Variants in FRY observed in about 807,000 individuals in gnomAD.
FRY encodes the protein protein furry homolog.
FRY carries 128 observed loss-of-function variants against 348.4 expected under a neutral mutation model. The observed-to-expected ratio is 0.37, with a 90% CI of 0.32 to 0.43. The LOEUF (loss-of-function observed/expected upper bound fraction) is 0.43. FRY is among the 20% of genes least tolerant of loss of function. The pLI is 1.00. For synonymous variants in FRY, 1,370 were observed against 1,374.7 expected, an observed-to-expected ratio of 1.00 and a Z score of 0.08; for missense variants, 2,736 against 3,695.2, an observed-to-expected ratio of 0.74 and a Z score of 6.73.
At chr13:32,251,311 A>G (rs1240948771) in intron 49 of FRY, among the ~76,000 whole-genome samples, 5 of 152,342 alleles carry the variant, frequency 3.3e-5, no homozygotes, top group Non-Finnish European at 5.9e-5. Flanking sequence ...TAGGAAGAAG[A>G]AACTAAGAAA....
intron 48 of FRY, 93 bp downstream of exon 48, chr13:32,247,595 T>C: frequency 1.0e-6 from 1 of 991,416 alleles, no homozygotes; most frequent in Admixed American, 1.8e-5. Flanking sequence ...GAAGACTTAT[T>C]TGACAGTTAT....
At position 32,245,821 on chromosome 13, in the gene FRY, C is replaced by T. The variant is rs76884361; in HGVS notation, c.6829-1502C>T. On this transcript the variant is annotated intron_variant, in intron 47 of 60. Coordinates refer to ENST00000542859, the MANE Select transcript of FRY (RefSeq NM_023037.3). Reference sequence around the variant, plus strand: ...TCTATATTGTATTTGTCTATTTCTTCTCTGGAATGTACTTTGTAACTTGTA... The same window carrying T: ...TCTATATTGTATTTGTCTATTTCTTTTCTGGAATGTACTTTGTAACTTGTA... Among the ~76,000 whole-genome samples the T allele has an allele frequency of 4.2e-3, 640 of 152,252 alleles. 5 individuals are homozygous for T. Among genetic ancestry groups the T allele is most frequent in the South Asian group, 0.029 (142 of 4,824 alleles).
intron 2 of FRY, among the ~76,000 whole-genome samples, chr13:32,096,436 GC>G: frequency 1.3e-5 from 2 of 149,332 alleles, no homozygotes; most frequent in East Asian, 3.9e-4. Flanking sequence ...AGGGAAAACT[GC>G]GGGGGGGGGC....
intron 11 of FRY, among the ~76,000 whole-genome samples, chr13:32,141,859 G>T (rs914312597): frequency 6.6e-6 from 1 of 152,162 alleles, no homozygotes; most frequent in Non-Finnish European, 1.5e-5. Context: ...GCAGTGAGGT[G>T]AGATGCAGAG....
rs533490157 is a variant in FRY, at chr13:32,078,282, C to A, written c.71-552C>A. On this transcript the variant is annotated intron_variant, in intron 1 of 60. Transcript: ENST00000542859. ...CAAACCTTGGACGGCAAACAGAGCACTGCCTGAGCCTCGTATCTTTCAAGA... is the reference window on the plus strand; with the variant it reads ...CAAACCTTGGACGGCAAACAGAGCAATGCCTGAGCCTCGTATCTTTCAAGA... 8.5e-5 allele frequency among the ~76,000 whole-genome samples: 13 copies of A among 152,318 alleles called. No homozygotes were observed. In the East Asian group the frequency reaches 2.5e-3, roughly 29 times the overall value.
chr13:32,078,947 C>T lies in FRY; in HGVS notation c.184C>T (p.Pro62Ser), dbSNP rs1875292485. 1 of 1,613,756 alleles carries T rather than the reference C, an allele frequency of 6.2e-7. No individual in the cohort carries two copies. The highest frequency in any genetic ancestry group is 1.3e-5 in the African/African-American group (1 of 75,026). Residue 62 changes from proline to serine, a missense_variant, in exon 2 of 61, where the codon CCA becomes TCA. Physicochemically the swap from Pro to Ser is moderately conservative, Grantham distance 74. Coordinates refer to ENST00000542859, the MANE Select transcript of FRY (RefSeq NM_023037.3). ...CATCAATGTGGACCCAGACAGTAAA[C>T]CAGGAGAATATGTCCTCAAAAGTTT... ...LPINVDPDSK[P>S]GEYVLKSLFV...
intron 17 of FRY, among the ~76,000 whole-genome samples, chr13:32,164,364 A>C (rs1021680609): frequency 1.3e-5 from 2 of 152,070 alleles, no homozygotes; most frequent in African/African-American, 4.8e-5. Flanking sequence ...AATTGGTAAA[A>C]TAAGGGCAGT....
intron 11 of FRY, 45 bp from the exon 12 acceptor site, chr13:32,147,237 C>T (rs773671822): frequency 8.6e-7 from 1 of 1,161,734 alleles, no homozygotes. Context: ...AACCTCAGAC[C>T]TCACTATTTA....
chr13:32,268,083 G>A (rs1593825830), intron 55 of FRY, among the ~76,000 whole-genome samples: 1 of 152,276 alleles, frequency 6.6e-6, no homozygotes, highest in East Asian at 1.9e-4. Context: ...CAATCCCTCA[G>A]CCAGACACCC....
intron 1 of FRY, among the ~76,000 whole-genome samples, chr13:32,071,760 A>G (rs1874673634): frequency 6.6e-6 from 1 of 152,168 alleles, no homozygotes; most frequent in African/African-American, 2.4e-5. Flanking sequence ...ATCAGTGGAT[A>G]TAAAGTTTTA....
At chr13:32,190,673 A>T (rs1883287600) in intron 28 of FRY, among the ~76,000 whole-genome samples, 1 of 152,152 alleles carries the variant, frequency 6.6e-6, no homozygotes, top group Non-Finnish European at 1.5e-5. Context: ...TTAGTGAGAA[A>T]AATTAAACAT....
rs1876759798 is a variant in FRY at position 32,096,809 on chromosome 13, A to AAAG, written c.271-5152_271-5151insGAA. On this transcript the variant is annotated intron_variant, in intron 2 of 60. Coordinates refer to ENST00000542859, the MANE Select transcript of FRY (RefSeq NM_023037.3). ...CAGAGCAAGACTCTGTCTCAAAAAAAAAAAAAAAAAAAAAAAGATAGTATA... is the reference window on the plus strand; with the variant it reads ...CAGAGCAAGACTCTGTCTCAAAAAAAAAGAAAAAAAAAAAAAAAAGATAGTATA... 4.6e-5 allele frequency among the ~76,000 whole-genome samples: 7 copies of AAAG among 151,098 alleles called. No individual in the cohort carries two copies. The South Asian group carries it at 1.5e-3, about 32-fold the overall frequency.
At chr13:32,180,212 A>G (rs1882614970) in intron 23 of FRY, among the ~76,000 whole-genome samples, 2 of 151,918 alleles carry the variant, frequency 1.3e-5, no homozygotes, top group South Asian at 4.2e-4. Context: ...GTTCAGTTCC[A>G]TTGGTTGATC....
intron 31 of FRY, among the ~76,000 whole-genome samples, chr13:32,204,958 C>T (rs1000494869): frequency 5.3e-5 from 8 of 152,048 alleles, no homozygotes; most frequent in Admixed American, 1.3e-4. Flanking sequence ...ATCCCAGCAC[C>T]CTGGGAGGCT....
At chr13:32,209,857 T>A (rs1884584257) in intron 33 of FRY, 126 bp downstream of exon 33, 2 of 936,360 alleles carry the variant, frequency 2.1e-6, no homozygotes, top group Admixed American at 3.8e-5. Context: ...ATGAATCTCC[T>A]GTGAGCTCAT....
At chr13:32,251,735 C>CT in intron 49 of FRY, 143 bp from the exon 50 acceptor site, 2 of 664,412 alleles carry the variant, frequency 3.0e-6, no homozygotes, top group Non-Finnish European at 5.5e-6. Context: ...TATTTGTGTT[C>CT]TTTTTTCATA....
At chr13:32,155,303 T>C (rs1881045505) in intron 14 of FRY, among the ~76,000 whole-genome samples, 188 bp from the exon 15 acceptor site, 1 of 152,218 alleles carries the variant, frequency 6.6e-6, no homozygotes, top group African/African-American at 2.4e-5. Context: ...TTTCTTATAA[T>C]GCAACAAGAA....
At chr13:32,065,409 A>C (rs1041557878) in intron 1 of FRY, among the ~76,000 whole-genome samples, 5 of 149,086 alleles carry the variant, frequency 3.4e-5, no homozygotes, top group Non-Finnish European at 7.4e-5. Context: ...GGGTTCAAGC[A>C]GTTCTCATGC....
At chr13:32,093,259 A>G (rs991445130) in intron 2 of FRY, among the ~76,000 whole-genome samples, 1 of 152,168 alleles carries the variant, frequency 6.6e-6, no homozygotes, top group Non-Finnish European at 1.5e-5. Context: ...AACATCATCA[A>G]ATCTCCCATG....
Sources: allele counts gnomAD v4.1 joint callset (sites outside exome capture counted in the v4.1 genomes callset), GRCh38; gene constraint gnomAD v4.1.1; transcripts MANE v1.5; gene names NCBI Gene and HGNC (gene_info 2026-07-23, HGNC 2026-07-21).